The following CEP128 variants were observed in gnomAD, a reference collection of about 807,000 sequenced individuals.
CEP128 encodes centrosomal protein 128, also known as centrosomal protein 128kDa.
A neutral mutation model predicts 156.7 loss-of-function variants in CEP128; 132 were observed. That is an observed-to-expected ratio of 0.84 (90% CI 0.73 to 0.97). CEP128 has a LOEUF of 0.97. Among genes scored for constraint, CEP128 ranks in the 50% least tolerant of loss-of-function variants. CEP128 has a pLI of 0.00. For synonymous variants in CEP128, 469 were observed against 448.9 expected (o/e 1.04, Z -0.57); for missense variants, 1,252 against 1,281.9 (o/e 0.98, Z 0.36).
At chr14:80,626,928 T>TC (rs948789912) in intron 19 of CEP128, among the ~76,000 whole-genome samples, 45 of 151,996 alleles carry the variant, frequency 3.0e-4, no homozygotes, top group African/African-American at 1.1e-3. Context: ...CAGGACTTCG[T>TC]CCCCCCATCA....
At chr14:80,886,036 G>A (rs1888781994) in intron 8 of CEP128, among the ~76,000 whole-genome samples, 1 of 152,034 alleles carries the variant, frequency 6.6e-6, no homozygotes, top group Non-Finnish European at 1.5e-5. Flanking sequence ...ATCAGAGATT[G>A]AAGATCAACT....
At chr14:80,917,101 A>G (rs1884606403) in intron 2 of CEP128, among the ~76,000 whole-genome samples, 1 of 152,244 alleles carries the variant, frequency 6.6e-6, no homozygotes, top group Non-Finnish European at 1.5e-5. Context: ...CAAATGCTGT[A>G]ATACAGATAC....
intron 21 of CEP128, among the ~76,000 whole-genome samples, chr14:80,549,940 G>C (rs565892728): frequency 6.6e-6 from 1 of 152,312 alleles, no homozygotes; most frequent in East Asian, 1.9e-4. Flanking sequence ...ACATTACTTA[G>C]TCTGTAATTT....
chr14:80,653,599 T>C (rs1292259708), intron 19 of CEP128, among the ~76,000 whole-genome samples: 4 of 152,032 alleles, frequency 2.6e-5, no homozygotes, highest in Non-Finnish European at 4.4e-5. Flanking sequence ...GTCTTCAGAG[T>C]TTTAAAGGAC....
At position 80,862,699 on chromosome 14, in the gene CEP128, T is replaced by C. The variant is rs1014423899; in HGVS notation, c.762+58A>G. 2.6e-5 allele frequency: 30 copies of C among 1,140,436 alleles called. No homozygotes were observed. In the Admixed American group the frequency reaches 4.4e-4, roughly 17 times the overall value. 70.6% of individuals were successfully genotyped at this position (1,140,436 alleles called of 1,614,324 possible). ...GTCACATGCAATAACCATTTTAACA[T>C]GGCTAAATAAACATCCAAATTCAAG... On this transcript the variant is annotated intron_variant, in intron 9 of 24. Coordinates refer to ENST00000555265, the MANE Select transcript of CEP128 (RefSeq NM_152446.5).
At chr14:80,625,858 T>TCTTTC (rs1222471139) in intron 19 of CEP128, among the ~76,000 whole-genome samples, 3 of 114,474 alleles carry the variant, frequency 2.6e-5, no homozygotes, top group African/African-American at 5.9e-5. Context: ...TTCTTTCCTT[T>TCTTTC]CTTTCTCTCT....
intron 19 of CEP128, among the ~76,000 whole-genome samples, chr14:80,602,962 T>C (rs1892638879): frequency 6.6e-6 from 1 of 152,124 alleles, no homozygotes; most frequent in African/African-American, 2.4e-5. Context: ...AATTAGAACA[T>C]ACTTTGAGAA....
chr14:80,854,437 C>A (rs1887046284), intron 9 of CEP128, among the ~76,000 whole-genome samples: 1 of 151,992 alleles, frequency 6.6e-6, no homozygotes, highest in African/African-American at 2.4e-5. Context: ...CCAAAAAGTC[C>A]CCATATATAT....
At chr14:80,480,076 A>G (rs1309055337) in intron 14 of CEP128, among the ~76,000 whole-genome samples, 1 of 151,976 alleles carries the variant, frequency 6.6e-6, no homozygotes, top group Non-Finnish European at 1.5e-5. Flanking sequence ...GCTGGTGTTG[A>G]GTGTCTGTGG....
At chr14:80,701,864 C>T (rs895138001) in intron 19 of CEP128, among the ~76,000 whole-genome samples, 2 of 152,128 alleles carry the variant, frequency 1.3e-5, no homozygotes, top group African/African-American at 2.4e-5. Flanking sequence ...GCAAACAGGC[C>T]GGATACATTG....
chr14:80,948,790 T>G (rs1886398883), intron 2 of CEP128, among the ~76,000 whole-genome samples: 1 of 152,216 alleles, frequency 6.6e-6, no homozygotes, highest in Non-Finnish European at 1.5e-5. Flanking sequence ...TCATCTTATC[T>G]CATGTGTTTA....
intron 16 of CEP128, among the ~76,000 whole-genome samples, chr14:80,765,238 A>G (rs1198574311): frequency 6.6e-6 from 1 of 152,188 alleles, no homozygotes; most frequent in African/African-American, 2.4e-5. Flanking sequence ...ATTTATTTGA[A>G]CACTAATTAT....
chr14:80,493,545 A>G (rs546822636), downstream of CEP128, among the ~76,000 whole-genome samples: 1 of 152,332 alleles, frequency 6.6e-6, no homozygotes, highest in African/African-American at 2.4e-5. Flanking sequence ...ACGTTAGAAT[A>G]CAGCTATGTT....
chr14:80,724,565 C>A (rs982631583), intron 19 of CEP128, among the ~76,000 whole-genome samples: 2 of 151,960 alleles, frequency 1.3e-5, no homozygotes, highest in Non-Finnish European at 2.9e-5. Flanking sequence ...AGGTAAAAAT[C>A]TGGAATTAAC....
intron 19 of CEP128, among the ~76,000 whole-genome samples, chr14:80,713,344 G>A (rs1050630172): frequency 6.6e-6 from 1 of 152,040 alleles, no homozygotes; most frequent in Non-Finnish European, 1.5e-5. Context: ...TGGAAACAAT[G>A]TTTTATTCTT....
intron 8 of CEP128, among the ~76,000 whole-genome samples, chr14:80,890,548 T>C (rs575327372): frequency 6.6e-6 from 1 of 152,212 alleles, no homozygotes; most frequent in Admixed American, 6.5e-5. Context: ...ACACCATATG[T>C]TCTCACTCAT....
chr14:80,780,169 T>C (rs1349173944), intron 15 of CEP128, among the ~76,000 whole-genome samples: 1 of 152,138 alleles, frequency 6.6e-6, no homozygotes, highest in Admixed American at 6.6e-5. Flanking sequence ...AGAAAAAATA[T>C]GGATGGCTTA....
At chr14:80,635,107 T>G (rs1009779017) in intron 19 of CEP128, among the ~76,000 whole-genome samples, 1 of 152,220 alleles carries the variant, frequency 6.6e-6, no homozygotes, top group African/African-American at 2.4e-5. Flanking sequence ...TTTGGCCTGC[T>G]CGTTCTAGCT....
At chr14:80,729,058 G>GGGTGTGTGTGT (rs1898141728) in intron 19 of CEP128, among the ~76,000 whole-genome samples, 2 of 105,056 alleles carry the variant, frequency 1.9e-5, no homozygotes, top group African/African-American at 1.0e-4. Context: ...GGCTGGTGGG[G>GGGTGTGTGTGT]GTGTGTGTGT....
Sources: gnomAD v4.1 joint callset for allele counts (sites outside exome capture counted in the v4.1 genomes callset) on GRCh38, gnomAD v4.1.1 for gene constraint, MANE v1.5 for transcripts, NCBI Gene and HGNC (gene_info 2026-07-23, HGNC 2026-07-21) for gene names.